The following GJB7 variants were observed in gnomAD, a reference collection of about 807,000 sequenced individuals.
GJB7 encodes gap junction beta-7 protein.
For missense variants in GJB7, 253 were observed against 256.8 expected (o/e 0.99, Z 0.10); for synonymous variants, 87 against 95.2 (o/e 0.91, Z 0.50).
intron 2 of GJB7, among the ~76,000 whole-genome samples, chr6:87,297,477 A>T (rs1776263870): frequency 6.6e-6 from 1 of 152,242 alleles, no homozygotes; most frequent in Admixed American, 6.5e-5. Flanking sequence ...GTTTTCCACA[A>T]ATTGATCATT....
Position 87,305,845 on chromosome 6 carries a change from A to T in GJB7, c.-28+17021T>A, listed in dbSNP as rs541045800. Among the ~76,000 whole-genome samples the T allele has an allele frequency of 3.9e-5, 6 of 152,102 alleles. No homozygotes were observed. The South Asian group carries it at 1.2e-3, about 32-fold the overall frequency. On this transcript the variant is annotated intron_variant, in intron 2 of 2. Coordinates refer to ENST00000525899, the MANE Select transcript of GJB7 (RefSeq NM_198568.3). Reference sequence around the variant, plus strand: ...AAAACAGAGATATAGACCAATGGAAAAGAACAGAGCCCTCAGAAATAATAC... The same window carrying T: ...AAAACAGAGATATAGACCAATGGAATAGAACAGAGCCCTCAGAAATAATAC...
chr6:87,303,235 T>C (rs1446432242), intron 2 of GJB7, among the ~76,000 whole-genome samples: 1 of 152,034 alleles, frequency 6.6e-6, no homozygotes, highest in Non-Finnish European at 1.5e-5. Context: ...GACTGGCAAA[T>C]TGGATAAAGA....
At chr6:87,295,988 C>T (rs1776244779) in intron 2 of GJB7, among the ~76,000 whole-genome samples, 1 of 152,214 alleles carries the variant, frequency 6.6e-6, no homozygotes. Context: ...GTGCCTCCAG[C>T]CCTAATTAGT....
At chr6:87,305,242 G>C (rs1776405189) in intron 2 of GJB7, among the ~76,000 whole-genome samples, 1 of 152,052 alleles carries the variant, frequency 6.6e-6, no homozygotes, top group African/African-American at 2.4e-5. Flanking sequence ...AATTGTCCCT[G>C]TTTGCAGATG....
Position 87,318,890 on chromosome 6 carries a change from A to T in GJB7, c.-28+3976T>A, listed in dbSNP as rs115199792. ...GCCAGCATTTATGTTATTATTTTTT[A>T]AAAAAAGACCTGGCTTTGACAAAAT... is the stretch of plus-strand genomic sequence containing the variant. On this transcript the variant is annotated intron_variant, in intron 2 of 2. Transcript: ENST00000525899. Among the ~76,000 whole-genome samples, 406 of 152,248 alleles carry T rather than the reference A, an allele frequency of 2.7e-3. 2 individuals are homozygous for T. The highest frequency in any genetic ancestry group is 9.1e-3 in the African/African-American group (380 of 41,538).
chr6:87,287,722 A>C (rs182639485), intron 2 of GJB7, among the ~76,000 whole-genome samples: 1 of 152,178 alleles, frequency 6.6e-6, no homozygotes, highest in Non-Finnish European at 1.5e-5. Context: ...TATTTATGTA[A>C]TCTTACTAAA....
chr6:87,285,500 A>G (rs1317665898), intron 2 of GJB7, among the ~76,000 whole-genome samples: 1 of 152,166 alleles, frequency 6.6e-6, no homozygotes, highest in African/African-American at 2.4e-5. Context: ...AAGCTCCCCA[A>G]TACAAATTTC....
intron 2 of GJB7, among the ~76,000 whole-genome samples, chr6:87,308,580 T>C (rs901957864): frequency 1.1e-4 from 17 of 151,998 alleles, no homozygotes; most frequent in South Asian, 2.1e-4. Context: ...TAATGAAAAG[T>C]TTAAAATATA....
intron 2 of GJB7, among the ~76,000 whole-genome samples, chr6:87,310,277 T>C (rs1389480835): frequency 6.6e-6 from 1 of 152,188 alleles, no homozygotes; most frequent in Non-Finnish European, 1.5e-5. Flanking sequence ...AGATATGATA[T>C]GAAAAGCACT....
intron 2 of GJB7, among the ~76,000 whole-genome samples, chr6:87,302,693 C>T (rs922015760): frequency 3.3e-5 from 5 of 152,114 alleles, no homozygotes; most frequent in Non-Finnish European, 4.4e-5. Context: ...CAAAGATACT[C>T]CTCGAGAAGA....
At chr6:87,323,863 A>G (rs1730464895) in intron 1 of GJB7, among the ~76,000 whole-genome samples, 1 of 152,084 alleles carries the variant, frequency 6.6e-6, no homozygotes, top group African/African-American at 2.4e-5. Flanking sequence ...GACTTCCACA[A>G]TGGTTGTACT....
chr6:87,314,956 G>A (rs1776560218), intron 2 of GJB7, among the ~76,000 whole-genome samples: 1 of 152,022 alleles, frequency 6.6e-6, no homozygotes, highest in Admixed American at 6.6e-5. Context: ...ACTTTTTTTA[G>A]GTAACTCAGG....
chr6:87,306,917 C>G (rs144524827), intron 2 of GJB7, among the ~76,000 whole-genome samples: 1 of 152,000 alleles, frequency 6.6e-6, no homozygotes, highest in African/African-American at 2.4e-5. Flanking sequence ...AGTGAACTAT[C>G]GCAAGAACAA....
chr6:87,305,758 A>G (rs1375576406), intron 2 of GJB7, among the ~76,000 whole-genome samples: 2 of 152,160 alleles, frequency 1.3e-5, no homozygotes, highest in African/African-American at 2.4e-5. Flanking sequence ...GAGGCATCAC[A>G]CTACCTGACT....
In GJB7 at chr6:87,284,223, T is replaced by C. The variant is rs751145887; in HGVS notation, c.*18A>G. The C allele has an allele frequency of 1.9e-6, 3 of 1,599,064 alleles. No homozygotes were observed. The highest frequency in any genetic ancestry group is 2.2e-5 in the South Asian group (2 of 89,366). ...GGTCCCTCTCCTACCACATTCAACA[T>C]ATCTGAGGCTGTGGCACTCACACAC... On this transcript the variant is annotated 3_prime_UTR_variant, in exon 3 of 3. Coordinates refer to ENST00000525899, the MANE Select transcript of GJB7 (RefSeq NM_198568.3).
At position 87,283,307 on chromosome 6, in the gene GJB7, AGTCTT is replaced by A. The variant is rs1337879170; in HGVS notation, c.*929_*933del. The A allele has an allele frequency of 6.6e-6, 1 of 152,214 alleles. No homozygotes were observed. Among genetic ancestry groups the A allele is most frequent in the Non-Finnish European group, 1.5e-5 (1 of 68,036 alleles). 9.4% of individuals were successfully genotyped at this position (152,214 alleles called of 1,614,324 possible). A position where few individuals can be genotyped will look rare whatever the true frequency, so the allele number is the denominator to read the frequency against. On this transcript the variant is annotated 3_prime_UTR_variant, in exon 3 of 3. Transcript: ENST00000525899. ...TTCAATGTTCTTTTGGTTAAATAGAAGTCTTAAGTAATTATCAAGTGGGCACATTC... is the reference window on the plus strand; with the variant it reads ...TTCAATGTTCTTTTGGTTAAATAGAAAAGTAATTATCAAGTGGGCACATTC...
chr6:87,310,828 T>C (rs1776505449), intron 2 of GJB7, among the ~76,000 whole-genome samples: 1 of 152,162 alleles, frequency 6.6e-6, no homozygotes, highest in Non-Finnish European at 1.5e-5. Context: ...TTAAACACAC[T>C]TTGTATAAGA....
intron 2 of GJB7, among the ~76,000 whole-genome samples, chr6:87,286,795 C>T (rs563985537): frequency 6.6e-6 from 1 of 152,198 alleles, no homozygotes; most frequent in African/African-American, 2.4e-5. Flanking sequence ...TCTTTGTTTG[C>T]CTTATGATGG....
intron 2 of GJB7, chr6:87,299,578 G>T: frequency 4.3e-6 from 1 of 231,774 alleles, no homozygotes; most frequent in South Asian, 6.0e-5. Flanking sequence ...AATTGCTGAA[G>T]ATATTGATAG....
Sources: allele counts gnomAD v4.1 joint callset (sites outside exome capture counted in the v4.1 genomes callset), GRCh38; gene constraint gnomAD v4.1.1; transcripts MANE v1.5; gene names NCBI Gene and HGNC (gene_info 2026-07-23, HGNC 2026-07-21).